MLIP: variants seen among roughly 807,000 people sequenced by gnomAD.
The protein encoded by MLIP is muscular LMNA interacting protein.
In MLIP, 79 loss-of-function variants were observed where a neutral mutation model predicts 84.8. The ratio of observed to expected loss-of-function variants is 0.93; its 90% CI spans 0.78 to 1.12. The LOEUF is 1.12. Ranked by LOEUF, MLIP falls within the 50% of genes most tolerant of loss-of-function variation. MLIP has a pLI of 0.00. For synonymous variants in MLIP, 504 were observed against 463.0 expected (o/e 1.09, Z -1.14); for missense variants, 1,257 against 1,160.6 (o/e 1.08, Z -1.21).
chr6:54,185,472 G>A (rs141071107), intron 9 of MLIP, among the ~76,000 whole-genome samples: 4 of 152,152 alleles, frequency 2.6e-5, no homozygotes, highest in African/African-American at 4.8e-5. Context: ...GAATTTGGGG[G>A]ATTTATAGAG....
chr6:54,116,217 C>T (rs1472272062), intron 1 of MLIP, among the ~76,000 whole-genome samples: 2 of 152,000 alleles, frequency 1.3e-5, no homozygotes, highest in Non-Finnish European at 2.9e-5. Flanking sequence ...AGAGACTTGC[C>T]AGGGCATGTC....
chr6:54,075,495 A>G (rs887114695), intron 1 of MLIP, among the ~76,000 whole-genome samples: 2 of 152,162 alleles, frequency 1.3e-5, no homozygotes, highest in Non-Finnish European at 2.9e-5. Flanking sequence ...TTGCTAATAT[A>G]TGAGTCTGTT....
At chr6:54,091,851 T>C (rs1026992613) in intron 1 of MLIP, among the ~76,000 whole-genome samples, 9 of 152,314 alleles carry the variant, frequency 5.9e-5, no homozygotes, top group African/African-American at 2.2e-4. Flanking sequence ...TTATTTACTG[T>C]CTCACTTTTT....
At chr6:54,058,907 T>G (rs1177232620) in intron 1 of MLIP, 2 of 152,144 alleles carry the variant, frequency 1.3e-5, no homozygotes. Flanking sequence ...GAAAGATATG[T>G]GGAAATTGAC....
At chr6:54,039,054 C>T (rs1203931339) in intron 1 of MLIP, among the ~76,000 whole-genome samples, 3 of 151,732 alleles carry the variant, frequency 2.0e-5, no homozygotes, top group East Asian at 3.9e-4. Context: ...ATCTATATAA[C>T]CAATTTAAGT....
intron 1 of MLIP, among the ~76,000 whole-genome samples, chr6:54,083,171 C>T (rs376234291): frequency 9.2e-4 from 139 of 151,818 alleles, no homozygotes; most frequent in African/African-American, 3.3e-3. Context: ...TTCTGTCAAC[C>T]CTAAGTCATG....
At position 54,137,111 on chromosome 6, in the gene MLIP, TCTC is replaced by T; in HGVS notation, c.1044_1046del (p.Pro350del). ...CGGAGAAAGTCCGAGAACCTCTTCT[TCTC>T]CACCGTCCTCCAGTGCTTCTCTGAA... On this transcript the variant is annotated inframe_deletion, in exon 4 of 14. Transcript: ENST00000502396. 1.3e-6 allele frequency: 2 copies of T among 1,535,940 alleles called. No individual in the cohort carries two copies. Among genetic ancestry groups the T allele is most frequent in the Non-Finnish European group, 1.7e-6 (2 of 1,146,840 alleles).
At chr6:54,219,326 A>G (rs1279322018) in intron 11 of MLIP, among the ~76,000 whole-genome samples, 4 of 150,966 alleles carry the variant, frequency 2.6e-5, no homozygotes, top group African/African-American at 9.7e-5. Context: ...TCTCTATTTT[A>G]AAATTTTCTG....
intron 13 of MLIP, among the ~76,000 whole-genome samples, chr6:54,262,546 G>A (rs924537889): frequency 1.3e-5 from 2 of 152,000 alleles, no homozygotes; most frequent in Non-Finnish European, 2.9e-5. Context: ...TTTAGGACAT[G>A]GGGTCGTTTC....
intron 12 of MLIP, 30 bp from the exon 13 acceptor site, chr6:54,257,278 G>A: frequency 6.4e-7 from 1 of 1,570,624 alleles, no homozygotes; most frequent in South Asian, 1.1e-5. Flanking sequence ...TTCTACTCCT[G>A]ATCATATCCT....
At chr6:54,212,291 C>T (rs751062400) in intron 11 of MLIP, among the ~76,000 whole-genome samples, 19 of 152,102 alleles carry the variant, frequency 1.2e-4, no homozygotes, top group African/African-American at 4.1e-4. Context: ...TGTCTTCACC[C>T]GCACAATGAG....
At chr6:54,157,595 G>A (rs1402103568) in intron 5 of MLIP, among the ~76,000 whole-genome samples, 1 of 152,056 alleles carries the variant, frequency 6.6e-6, no homozygotes, top group East Asian at 1.9e-4. Flanking sequence ...TGGACTGTGA[G>A]TATATGTGAC....
Position 54,202,175 on chromosome 6 carries a change from A to C in MLIP, c.2660A>C (p.Tyr887Ser), listed in dbSNP as rs769557058. 3.7e-6 allele frequency: 6 copies of C among 1,601,888 alleles called. No homozygotes were observed. Among genetic ancestry groups the C allele is most frequent in the African/African-American group, 2.7e-5 (2 of 74,596 alleles). Residue 887 changes from tyrosine (Y) to serine (S), a missense_variant, in exon 11 of 14, where the codon TAT (tyrosine) becomes TCT (serine). Physicochemically the swap from Tyr to Ser is moderately radical, Grantham distance 144 (BLOSUM62 -2). Transcript: ENST00000502396. ...RILLKKEEEVYEPNPFSKYLE... is the reference protein window; with the variant it reads ...RILLKKEEEVSEPNPFSKYLE... ...TTACTGAAAAAAGAGGAGGAAGTCT[A>C]TGAACCCAACCCTTTCAGTAAATAC...
At chr6:54,100,903 C>T (rs1314951609) in intron 1 of MLIP, among the ~76,000 whole-genome samples, 1 of 152,100 alleles carries the variant, frequency 6.6e-6, no homozygotes, top group East Asian at 1.9e-4. Context: ...ATGAAAATTA[C>T]TGAGTGTCAA....
intron 9 of MLIP, among the ~76,000 whole-genome samples, chr6:54,181,565 A>C (rs1472846852): frequency 6.6e-6 from 1 of 152,142 alleles, no homozygotes; most frequent in Non-Finnish European, 1.5e-5. Context: ...ACTTTTCCCT[A>C]TGCTTTTCTC....
At chr6:54,091,101 C>A (rs2150371703) in intron 1 of MLIP, among the ~76,000 whole-genome samples, 1 of 152,226 alleles carries the variant, frequency 6.6e-6, no homozygotes, top group African/African-American at 2.4e-5. Flanking sequence ...ACCTCTCCCA[C>A]TTTTTATGAC....
Position 54,121,549 on chromosome 6 carries a change from C to T in MLIP, c.199C>T (p.Leu67Phe). Residue 67 changes from leucine to phenylalanine, a missense_variant, in exon 2 of 14, where the codon CTT becomes TTT. Transcript: ENST00000502396. ...HTQLADTSKF[L>F]VKIPEESSDK... Reference sequence around the variant, plus strand: ...TCAGTTGGCTGACACCTCTAAATTCCTTGTTAAAATTCCAGAAGAATCAAG... The same window carrying T: ...TCAGTTGGCTGACACCTCTAAATTCTTTGTTAAAATTCCAGAAGAATCAAG... 1 of 1,613,790 alleles carries T rather than the reference C, an allele frequency of 6.2e-7. No homozygotes were observed. Among genetic ancestry groups the T allele is most frequent in the Non-Finnish European group, 8.5e-7 (1 of 1,179,820 alleles).
intron 9 of MLIP, among the ~76,000 whole-genome samples, chr6:54,185,583 A>G (rs1777313385): frequency 6.6e-6 from 1 of 152,204 alleles, no homozygotes; most frequent in African/African-American, 2.4e-5. Flanking sequence ...ATTTAGTACA[A>G]TATACTAAAA....
intron 4 of MLIP, among the ~76,000 whole-genome samples, chr6:54,143,716 A>C (rs922617828): frequency 6.6e-6 from 1 of 152,176 alleles, no homozygotes; most frequent in African/African-American, 2.4e-5. Flanking sequence ...CTAGGACTTG[A>C]ACCATAGACG....
Sources: allele counts gnomAD v4.1 joint callset (sites outside exome capture counted in the v4.1 genomes callset), GRCh38; gene constraint gnomAD v4.1.1; transcripts MANE v1.5; gene names NCBI Gene and HGNC (gene_info 2026-07-23, HGNC 2026-07-21).